The following PRKAG2 variants were observed in gnomAD, a reference collection of about 807,000 sequenced individuals.
PRKAG2 encodes the protein 5'-AMP-activated protein kinase subunit gamma-2.
In PRKAG2, 26 loss-of-function variants were observed where a neutral mutation model predicts 69.6. The ratio of observed to expected loss-of-function variants is 0.37; its 90% CI spans 0.27 to 0.52. The LOEUF (loss-of-function observed/expected upper bound fraction) is 0.52. PRKAG2 is among the 20% of genes least tolerant of loss of function. The pLI, the probability that PRKAG2 is intolerant of heterozygous loss-of-function variation, is 0.90. For synonymous variants in PRKAG2, 293 were observed against 285.0 expected (o/e 1.03, Z -0.28); for missense variants, 557 against 740.0 (o/e 0.75, Z 2.87).
At chr7:151,748,542 G>T (rs559954776) in intron 3 of PRKAG2, among the ~76,000 whole-genome samples, 1 of 152,056 alleles carries the variant, frequency 6.6e-6, no homozygotes, top group Non-Finnish European at 1.5e-5. Context: ...ATTTTTAAAG[G>T]CTTCTTTTGG....
At chr7:151,679,661 G>T (rs1172271696) in intron 3 of PRKAG2, among the ~76,000 whole-genome samples, 1 of 152,170 alleles carries the variant, frequency 6.6e-6, no homozygotes, top group Admixed American at 6.5e-5. Flanking sequence ...CCCTCTGGGG[G>T]GCTGGGGTCT....
At chr7:151,563,552 C>T (rs1251853401) in intron 14 of PRKAG2, among the ~76,000 whole-genome samples, 7 of 152,104 alleles carry the variant, frequency 4.6e-5, no homozygotes, top group African/African-American at 1.7e-4. Flanking sequence ...TTTTTGTTTT[C>T]TCAAAACAAA....
At position 151,675,675 on chromosome 7, in the gene PRKAG2, T is replaced by C. The variant is rs200327397; in HGVS notation, c.467-38A>G. On this transcript the variant is annotated intron_variant, in intron 3 of 15. Transcript: ENST00000287878. ...CACCAAGGACGGTCAGAGGTCCGGC[T>C]TCCAGGAAGGGACGTCGGGGGTGGT... 1.3e-4 allele frequency: 196 copies of C among 1,563,276 alleles called. No homozygotes were observed. In the African/African-American group the frequency reaches 2.5e-3, roughly 20 times the overall value.
At chr7:151,832,361 G>T (rs914851478) in intron 1 of PRKAG2, among the ~76,000 whole-genome samples, 17 of 152,128 alleles carry the variant, frequency 1.1e-4, no homozygotes, top group African/African-American at 4.1e-4. Flanking sequence ...AGACCTGCTT[G>T]TTGGGGGCGA....
Position 151,814,361 on chromosome 7 carries a change from C to G in PRKAG2, c.115-27820G>C. 1.7e-6 allele frequency: 2 copies of G among 1,161,878 alleles called. No individual in the cohort carries two copies. The highest frequency in any genetic ancestry group is 3.5e-5 in the East Asian group (1 of 28,860). The allele number at this position is 1,161,878 out of a possible 1,614,324, so 72.0% of individuals were successfully genotyped here. ...ATCGTGAGGGGGAAAACCGCACACC[C>G]AGGGACGCACAATCACTATGCATTT... On this transcript the variant is annotated intron_variant, in intron 1 of 15. Coordinates refer to ENST00000287878, the MANE Select transcript of PRKAG2 (RefSeq NM_016203.4). The surrounding 1 kb of genome is among the most constrained non-coding windows in gnomAD (Gnocchi z 4.8).
chr7:151,691,223 A>C (rs980274640), intron 3 of PRKAG2, among the ~76,000 whole-genome samples: 1 of 152,144 alleles, frequency 6.6e-6, no homozygotes, highest in African/African-American at 2.4e-5. Context: ...GATCACTTAT[A>C]ATACCTAATA....
rs1829468682 is a variant in PRKAG2, at chr7:151,656,696, T to C, written c.684+18724A>G. Among the ~76,000 whole-genome samples the C allele has an allele frequency of 3.3e-5, 5 of 152,356 alleles. No homozygotes were observed. In the South Asian group the frequency reaches 1.0e-3, roughly 32 times the overall value. On this transcript the variant is annotated intron_variant, in intron 4 of 15. Coordinates refer to ENST00000287878, the MANE Select transcript of PRKAG2 (RefSeq NM_016203.4). ...GGTAGAGGGATGCCAATGTCTTAGG[T>C]AGCATGTGTAAATAAATAAAAAATG...
At chr7:151,778,660 G>C (rs2076519059) in intron 3 of PRKAG2, among the ~76,000 whole-genome samples, 1 of 152,186 alleles carries the variant, frequency 6.6e-6, no homozygotes, top group African/African-American at 2.4e-5. Flanking sequence ...TCTTTCTTCT[G>C]CTGTTACCAA....
intron 1 of PRKAG2, among the ~76,000 whole-genome samples, chr7:151,820,751 T>C (rs1256545847): frequency 6.6e-6 from 1 of 152,254 alleles, no homozygotes; most frequent in Admixed American, 6.5e-5. Flanking sequence ...TGTCTGGAGA[T>C]GAGCGCCACC....
rs1221001014 is a variant in PRKAG2 at position 151,719,051 on chromosome 7, T to C, written c.467-43414A>G. ...CACCCACAAACATTCATTAAGCCCC[T>C]GATAAGTACAAGGCCCCGAACTCAG... is the stretch of plus-strand genomic sequence containing the variant. On this transcript the variant is annotated intron_variant, in intron 3 of 15. Coordinates refer to ENST00000287878, the MANE Select transcript of PRKAG2 (RefSeq NM_016203.4). The surrounding 1 kb of genome is among the most constrained non-coding windows in gnomAD (Gnocchi z 5.2). 1.3e-5 allele frequency among the ~76,000 whole-genome samples: 2 copies of C among 152,130 alleles called. No individual in the cohort carries two copies. Among genetic ancestry groups the C allele is most frequent in the African/African-American group, 4.8e-5 (2 of 41,440 alleles).
rs367854616 is a variant in PRKAG2, at chr7:151,658,660, G to A, written c.684+16760C>T. Among the ~76,000 whole-genome samples the A allele has an allele frequency of 2.7e-3, 412 of 152,184 alleles. 10 individuals carry two copies. The South Asian group carries it at 0.077, about 28-fold the overall frequency. The stretch of plus-strand genomic sequence containing the variant: ...CAGTATTGGGGTGCGAACACACGCC[G>A]AAACAGTACAAAAATAGGCTTATCC... On this transcript the variant is annotated intron_variant, in intron 4 of 15. Coordinates refer to ENST00000287878, the MANE Select transcript of PRKAG2 (RefSeq NM_016203.4).
chr7:151,667,926 G>GT (rs887975635), intron 4 of PRKAG2, among the ~76,000 whole-genome samples: 2 of 152,220 alleles, frequency 1.3e-5, no homozygotes, highest in African/African-American at 4.8e-5. Flanking sequence ...TGGTGGTTAT[G>GT]TTAAGTTTTG....
chr7:151,865,680 A>G (rs957623559), intron 1 of PRKAG2, among the ~76,000 whole-genome samples: 1 of 152,240 alleles, frequency 6.6e-6, no homozygotes, highest in Non-Finnish European at 1.5e-5. Flanking sequence ...TTTAAGAAGC[A>G]AAAACAACAA....
At chr7:151,674,666 T>C (rs1832615970) in intron 4 of PRKAG2, among the ~76,000 whole-genome samples, 1 of 152,114 alleles carries the variant, frequency 6.6e-6, no homozygotes, top group African/African-American at 2.4e-5. Flanking sequence ...ATCCCACTCC[T>C]CTATGAAATG....
chr7:151,700,664 TAGG>T (rs1309177828), intron 3 of PRKAG2, among the ~76,000 whole-genome samples: 2 of 152,122 alleles, frequency 1.3e-5, no homozygotes, highest in African/African-American at 2.4e-5. Context: ...CCACCTGCTG[TAGG>T]AGATCATCTG....
intron 5 of PRKAG2, among the ~76,000 whole-genome samples, chr7:151,629,112 C>T (rs1461847680): frequency 1.3e-5 from 2 of 152,182 alleles, no homozygotes; most frequent in Non-Finnish European, 2.9e-5. Context: ...AGCCGAGCCC[C>T]GCCCCTTGGA....
chr7:151,750,096 C>CAAAAAAAAAAAAAAAAAA, intron 3 of PRKAG2, among the ~76,000 whole-genome samples: 1 of 63,022 alleles, frequency 1.6e-5, no homozygotes, highest in Non-Finnish European at 3.5e-5. Flanking sequence ...GACTCCATCT[C>CAAAAAAAAAAAAAAAAAA]AAAAAAAAAA....
At chr7:151,668,497 T>G (rs1023437677) in intron 4 of PRKAG2, among the ~76,000 whole-genome samples, 1 of 152,244 alleles carries the variant, frequency 6.6e-6, no homozygotes, top group Non-Finnish European at 1.5e-5. Context: ...TGGGCTCTGG[T>G]GCACCCAGCT....
intron 3 of PRKAG2, among the ~76,000 whole-genome samples, chr7:151,677,743 G>A (rs2727539): frequency 0.85 from 129,630 of 152,182 alleles, 55,320 homozygotes; most frequent in Middle Eastern, 0.94. Flanking sequence ...CCGTGTTCAA[G>A]TAAGACAAAT....
Sources: gnomAD v4.1 joint callset for allele counts (sites outside exome capture counted in the v4.1 genomes callset) on GRCh38, gnomAD v4.1.1 for gene constraint, Gnocchi (gnomAD v3.1) non-coding constraint, MANE v1.5 for transcripts, NCBI Gene and HGNC (gene_info 2026-07-23, HGNC 2026-07-21) for gene names.